The following ADGRL3 variants were observed in gnomAD, a reference collection of about 807,000 sequenced individuals.
ADGRL3 encodes adhesion G protein-coupled receptor L3, also known as calcium-independent alpha-latrotoxin receptor 3.
Under a neutral mutation model 153.5 loss-of-function variants are expected in ADGRL3, and 62 were observed. The ratio of observed to expected loss-of-function variants is 0.40; its 90% CI spans 0.33 to 0.50. ADGRL3 has a LOEUF of 0.50. Among genes scored for constraint, ADGRL3 ranks in the 20% least tolerant of loss-of-function variants. The pLI, the probability that ADGRL3 is intolerant of heterozygous loss-of-function variation, is 0.47. For synonymous variants in ADGRL3, 710 were observed against 672.5 expected, an observed-to-expected ratio of 1.06 and a Z score of -0.86; for missense variants, 1,641 against 1,859.4, an observed-to-expected ratio of 0.88 and a Z score of 2.16.
At chr4:61,596,218 G>A (rs564270440) in intron 5 of ADGRL3, among the ~76,000 whole-genome samples, 1 of 152,284 alleles carries the variant, frequency 6.6e-6, no homozygotes, top group South Asian at 2.1e-4. Context: ...GACAAACAGT[G>A]TATACTTCCA....
intron 5 of ADGRL3, among the ~76,000 whole-genome samples, chr4:61,669,846 T>C (rs1252057999): frequency 6.6e-6 from 1 of 152,240 alleles, no homozygotes; most frequent in Non-Finnish European, 1.5e-5. Flanking sequence ...TATACATGAC[T>C]GAAACTTCAT....
At chr4:61,647,927 A>G (rs936250151) in intron 5 of ADGRL3, among the ~76,000 whole-genome samples, 1 of 152,172 alleles carries the variant, frequency 6.6e-6, no homozygotes, top group African/African-American at 2.4e-5. Flanking sequence ...TCTCCAAAGC[A>G]AAATAATCTT....
chr4:61,448,742 AGGGG>A (rs1157384068), intron 2 of ADGRL3, among the ~76,000 whole-genome samples: 1 of 143,336 alleles, frequency 7.0e-6, no homozygotes, highest in African/African-American at 2.6e-5. Context: ...GAAGGAAGGA[AGGGG>A]GAGAGAGGGA....
intron 19 of ADGRL3, among the ~76,000 whole-genome samples, chr4:61,993,198 G>GTT (rs1020926422): frequency 6.7e-6 from 1 of 149,790 alleles, no homozygotes; most frequent in African/African-American, 2.5e-5. Flanking sequence ...GTGTGTGTGT[G>GTT]TGTCTGATCT....
chr4:61,887,450 G>A (rs1362133163), intron 9 of ADGRL3, among the ~76,000 whole-genome samples: 1 of 152,100 alleles, frequency 6.6e-6, no homozygotes, highest in Non-Finnish European at 1.5e-5. Flanking sequence ...TCACTTACTA[G>A]TTAAGCCTAT....
chr4:61,334,492 C>A (rs1002406759), intron 1 of ADGRL3, among the ~76,000 whole-genome samples: 4 of 152,022 alleles, frequency 2.6e-5, no homozygotes, highest in Non-Finnish European at 4.4e-5. Context: ...AAAGAAGGAT[C>A]CAGAGTGACG....
chr4:61,774,357 C>CAA (rs372436258), intron 8 of ADGRL3, among the ~76,000 whole-genome samples: 127 of 60,200 alleles, frequency 2.1e-3, no homozygotes, highest in African/African-American at 5.4e-3. Flanking sequence ...AACTCTGTCT[C>CAA]AAAAAAAAAA....
chr4:62,000,070 T>G (rs1181632802), intron 21 of ADGRL3, among the ~76,000 whole-genome samples: 2 of 151,960 alleles, frequency 1.3e-5, no homozygotes, highest in Non-Finnish European at 2.9e-5. Context: ...TTTACCCACG[T>G]TAGCACAAAT....
Position 61,684,465 on chromosome 4 carries a change from T to C in ADGRL3, c.583+7530T>C, listed in dbSNP as rs1166971170. ...TCCTGTAATGATCTAGGCTGGGACATCAAGACTTCATGAAATCCAGTAGTG... is the reference window on the plus strand; with the variant it reads ...TCCTGTAATGATCTAGGCTGGGACACCAAGACTTCATGAAATCCAGTAGTG... On this transcript the variant is annotated intron_variant, in intron 6 of 26. Transcript: ENST00000683033. Among the ~76,000 whole-genome samples the C allele has an allele frequency of 2.0e-5, 3 of 152,028 alleles. No individual in the cohort carries two copies. In the East Asian group the frequency reaches 5.8e-4, roughly 30 times the overall value.
chr4:61,207,962 AAGAT>A (rs1447919841), intron 1 of ADGRL3, among the ~76,000 whole-genome samples: 1 of 152,162 alleles, frequency 6.6e-6, no homozygotes, highest in African/African-American at 2.4e-5. Flanking sequence ...AACCTGTAAA[AAGAT>A]AGGCAGGTTG....
chr4:61,727,204 T>C (rs1262614566), intron 6 of ADGRL3, among the ~76,000 whole-genome samples: 1 of 152,294 alleles, frequency 6.6e-6, no homozygotes, highest in East Asian at 1.9e-4. Context: ...GAAAATTTAC[T>C]AGTCATTTTT....
At chr4:61,896,935 A>G (rs1479147577) in intron 11 of ADGRL3, among the ~76,000 whole-genome samples, 1 of 152,172 alleles carries the variant, frequency 6.6e-6, no homozygotes, top group African/African-American at 2.4e-5. Context: ...GTCCCTAGAT[A>G]CTTAGCCCAG....
intron 6 of ADGRL3, among the ~76,000 whole-genome samples, chr4:61,683,546 T>C (rs1345485863): frequency 6.6e-6 from 1 of 152,064 alleles, no homozygotes; most frequent in Admixed American, 6.6e-5. Context: ...GAGTGCATGC[T>C]GATTGGTTTG....
At chr4:61,809,222 G>T (rs1401598951) in intron 8 of ADGRL3, among the ~76,000 whole-genome samples, 1 of 152,046 alleles carries the variant, frequency 6.6e-6, no homozygotes, top group Admixed American at 6.6e-5. Context: ...AATCAATGGG[G>T]ATTTTATGGT....
At chr4:61,356,703 A>G (rs1432170447) in intron 1 of ADGRL3, among the ~76,000 whole-genome samples, 3 of 152,128 alleles carry the variant, frequency 2.0e-5, no homozygotes, top group Non-Finnish European at 4.4e-5. Context: ...CAAACATAAA[A>G]ATTTTCCTTG....
At chr4:61,745,663 A>G (rs2096647681) in intron 8 of ADGRL3, among the ~76,000 whole-genome samples, 1 of 152,224 alleles carries the variant, frequency 6.6e-6, no homozygotes, top group South Asian at 2.1e-4. Context: ...AAATGCTGAG[A>G]GATTTTGTCA....
At chr4:61,603,711 C>T (rs1397376796) in intron 5 of ADGRL3, among the ~76,000 whole-genome samples, 1 of 149,946 alleles carries the variant, frequency 6.7e-6, no homozygotes. Flanking sequence ...AACTCCCATC[C>T]CTCTTAGTGT....
intron 1 of ADGRL3, among the ~76,000 whole-genome samples, chr4:61,379,886 G>A (rs376112778): frequency 8.6e-5 from 13 of 151,782 alleles, no homozygotes; most frequent in African/African-American, 2.2e-4. Flanking sequence ...TAAACATCCC[G>A]GTAAGAAACA....
intron 19 of ADGRL3, among the ~76,000 whole-genome samples, chr4:61,992,598 A>C (rs2099107328): frequency 2.0e-5 from 3 of 152,186 alleles, no homozygotes; most frequent in Non-Finnish European, 2.9e-5. Context: ...GAAGAGAGTA[A>C]AGCCCCAGCA....
Sources: allele counts gnomAD v4.1 joint callset (sites outside exome capture counted in the v4.1 genomes callset), GRCh38; gene constraint gnomAD v4.1.1; transcripts MANE v1.5; gene names NCBI Gene and HGNC (gene_info 2026-07-23, HGNC 2026-07-21).